SLC24A3: variants seen among roughly 807,000 people sequenced by gnomAD.
The protein encoded by SLC24A3 is sodium/potassium/calcium exchanger 3.
Under a neutral mutation model 75.8 loss-of-function variants are expected in SLC24A3, and 28 were observed. That is an observed-to-expected ratio of 0.37 (90% confidence interval 0.27 to 0.51). SLC24A3 has a LOEUF of 0.51. Ranked by LOEUF, SLC24A3 falls within the 20% of genes least tolerant of loss-of-function variation. The pLI, the probability that SLC24A3 is intolerant of heterozygous loss-of-function variation, is 0.94. For missense variants in SLC24A3, 663 were observed against 847.8 expected (o/e 0.78, Z 2.71); for synonymous variants, 372 against 334.1 (o/e 1.11, Z -1.24).
Position 19,247,421 on chromosome 20 carries a change from C to G in SLC24A3, c.143-33538C>G, listed in dbSNP as rs563470356. ...TCCTATTTCTGAAATGTCTTCCACT[C>G]TTTTTAGTGATCTATGACTTTCTCA... On this transcript the variant is annotated intron_variant, in intron 1 of 16. Transcript: ENST00000328041. Among the ~76,000 whole-genome samples the G allele has an allele frequency of 3.0e-4, 46 of 152,302 alleles. No individual in the cohort carries two copies. The South Asian group carries it at 9.1e-3, about 30-fold the overall frequency.
intron 2 of SLC24A3, among the ~76,000 whole-genome samples, chr20:19,411,216 C>T (rs925906597): frequency 6.6e-6 from 1 of 152,188 alleles, no homozygotes. Context: ...CCCATTACCC[C>T]TTCCTTAGGT....
At chr20:19,673,573 T>C (rs1245673400) in intron 8 of SLC24A3, 28 bp from the exon 9 acceptor site, 2 of 1,606,820 alleles carry the variant, frequency 1.2e-6, no homozygotes, top group Non-Finnish European at 1.7e-6. Flanking sequence ...TCCATGACTG[T>C]CTTTAACTGT....
chr20:19,303,273 T>C (rs1288267962), intron 2 of SLC24A3, among the ~76,000 whole-genome samples: 1 of 152,182 alleles, frequency 6.6e-6, no homozygotes, highest in Non-Finnish European at 1.5e-5. Context: ...TGGTTTTCTG[T>C]CCCTGTGTTA....
At chr20:19,365,127 A>T (rs1468662497) in intron 2 of SLC24A3, among the ~76,000 whole-genome samples, 1 of 152,126 alleles carries the variant, frequency 6.6e-6, no homozygotes, top group Non-Finnish European at 1.5e-5. Flanking sequence ...TTGTACCGTT[A>T]TACAAGGAGA....
At chr20:19,246,874 G>A (rs4140453) in intron 1 of SLC24A3, among the ~76,000 whole-genome samples, 22,659 of 151,942 alleles carry the variant, frequency 0.15, 2,975 homozygotes, top group East Asian at 0.73. Context: ...GGCTAGTAGG[G>A]AGTAAAGAGT....
intron 2 of SLC24A3, among the ~76,000 whole-genome samples, chr20:19,495,507 C>A (rs992769939): frequency 3.9e-5 from 6 of 152,216 alleles, no homozygotes; most frequent in Non-Finnish European, 7.3e-5. Context: ...GTGGATGTAG[C>A]CGCTCAGCTA....
chr20:19,393,231 G>A (rs1417467708), intron 2 of SLC24A3, among the ~76,000 whole-genome samples: 7 of 152,212 alleles, frequency 4.6e-5, no homozygotes, highest in South Asian at 2.1e-4. Flanking sequence ...GACTGAAAGC[G>A]TTTTTCCTAA....
Position 19,518,790 on chromosome 20 carries a change from T to A in SLC24A3, c.348+3226T>A, listed in dbSNP as rs113118767. On this transcript the variant is annotated intron_variant, in intron 3 of 16. Coordinates refer to ENST00000328041, the MANE Select transcript of SLC24A3 (RefSeq NM_020689.4). ...AGGCTTCGCCCGAAGTGACCCAGAG[T>A]CATCTGCCCTACAGTCAGTTGAGAA... 7.5e-3 allele frequency among the ~76,000 whole-genome samples: 1,147 copies of A among 152,072 alleles called. 5 individuals are homozygous for A. The highest frequency in any genetic ancestry group is 0.027 in the Middle Eastern group (8 of 294).
intron 15 of SLC24A3, among the ~76,000 whole-genome samples, chr20:19,712,149 C>G (rs1568708076): frequency 6.6e-6 from 1 of 152,036 alleles, no homozygotes; most frequent in Non-Finnish European, 1.5e-5. Context: ...TGAGGTCTCA[C>G]TATGTTGCCC....
chr20:19,634,832 G>T (rs908495179), intron 6 of SLC24A3, among the ~76,000 whole-genome samples: 6 of 152,064 alleles, frequency 3.9e-5, no homozygotes, highest in African/African-American at 1.4e-4. Context: ...GGTTGCAGGG[G>T]TATACAACAT....
intron 2 of SLC24A3, among the ~76,000 whole-genome samples, chr20:19,395,725 A>G (rs750748843): frequency 1.3e-5 from 2 of 152,232 alleles, no homozygotes; most frequent in Non-Finnish European, 2.9e-5. Context: ...AAGTATGAGT[A>G]GGAATTTTAT....
At chr20:19,364,036 C>T (rs1407901584) in intron 2 of SLC24A3, among the ~76,000 whole-genome samples, 1 of 152,064 alleles carries the variant, frequency 6.6e-6, no homozygotes, top group Non-Finnish European at 1.5e-5. Context: ...ATGACCTTGC[C>T]CCTGGCCAGC....
At chr20:19,528,193 C>T (rs904538112) in intron 3 of SLC24A3, among the ~76,000 whole-genome samples, 2 of 152,160 alleles carry the variant, frequency 1.3e-5, no homozygotes, top group Non-Finnish European at 2.9e-5. Flanking sequence ...TTTAAAGAAA[C>T]TCAAGGGCCC....
intron 2 of SLC24A3, among the ~76,000 whole-genome samples, chr20:19,314,292 T>TTTTATTTAA (rs1984528898): frequency 6.8e-6 from 1 of 146,200 alleles, no homozygotes; most frequent in African/African-American, 2.5e-5. Flanking sequence ...TTTTATTTTA[T>TTTTATTTAA]TTTATTTTAT....
At position 19,251,425 on chromosome 20, in the gene SLC24A3, C is replaced by T. The variant is rs1442810012; in HGVS notation, c.143-29534C>T. Among the ~76,000 whole-genome samples the T allele has an allele frequency of 3.3e-5, 5 of 152,262 alleles. No individual in the cohort carries two copies. In the East Asian group the frequency reaches 7.7e-4, roughly 24 times the overall value. On this transcript the variant is annotated intron_variant, in intron 1 of 16. Transcript: ENST00000328041. ...CGCCAGTGTCTTGGTTTGGGTTCCT[C>T]TAGAAGCACACACTCAGACAAGGAC...
rs1370672316 is a variant in SLC24A3 at position 19,572,952 on chromosome 20, G to C, written c.349-7048G>C. Among the ~76,000 whole-genome samples, 3 of 152,250 alleles carry C rather than the reference G, an allele frequency of 2.0e-5. No homozygotes were observed. The East Asian group carries it at 5.8e-4, about 29-fold the overall frequency. On this transcript the variant is annotated intron_variant, in intron 3 of 16. Transcript: ENST00000328041. ...TGATCACTTGAAACTATGAAAAAGA[G>C]GAGGAAAAGGAAGATTTTATTATTA...
At chr20:19,354,333 G>A (rs1290923145) in intron 2 of SLC24A3, among the ~76,000 whole-genome samples, 2 of 152,162 alleles carry the variant, frequency 1.3e-5, no homozygotes, top group Non-Finnish European at 2.9e-5. Flanking sequence ...AGTTGTATGA[G>A]AGTCTAGGAA....
intron 2 of SLC24A3, among the ~76,000 whole-genome samples, chr20:19,302,532 C>T (rs1404642497): frequency 6.6e-6 from 1 of 152,168 alleles, no homozygotes; most frequent in East Asian, 1.9e-4. Flanking sequence ...AGAAGTAAAA[C>T]ATTGCACATC....
At chr20:19,667,597 A>G (rs2032414870) in intron 8 of SLC24A3, among the ~76,000 whole-genome samples, 1 of 152,230 alleles carries the variant, frequency 6.6e-6, no homozygotes, top group African/African-American at 2.4e-5. Flanking sequence ...ATGTGTGTGC[A>G]GCTGTTGTGC....
Sources: allele counts gnomAD v4.1 joint callset (sites outside exome capture counted in the v4.1 genomes callset), GRCh38; gene constraint gnomAD v4.1.1; transcripts MANE v1.5; gene names NCBI Gene and HGNC (gene_info 2026-07-23, HGNC 2026-07-21).